The following CDC45 variants were observed in gnomAD, a reference collection of about 807,000 sequenced individuals.
The protein encoded by CDC45 is cell division control protein 45 homolog.
A neutral mutation model predicts 77.8 loss-of-function variants in CDC45; 54 were observed. The observed-to-expected ratio is 0.69, with a 90% CI of 0.56 to 0.87. CDC45 has a LOEUF of 0.87. Ranked by LOEUF, CDC45 falls within the 40% of genes least tolerant of loss-of-function variation. The pLI, the probability that CDC45 is intolerant of heterozygous loss-of-function variation, is 0.00. For missense variants in CDC45, 649 were observed against 721.6 expected, an observed-to-expected ratio of 0.90 and a Z score of 1.15; for synonymous variants, 260 against 272.1, an observed-to-expected ratio of 0.96 and a Z score of 0.44.
chr22:19,492,825 C>T (rs899768587), intron 5 of CDC45, among the ~76,000 whole-genome samples: 5 of 152,194 alleles, frequency 3.3e-5, no homozygotes, highest in African/African-American at 1.2e-4. Flanking sequence ...TGATGTCTAT[C>T]ACCTGGGGCA....
intron 10 of CDC45, among the ~76,000 whole-genome samples, chr22:19,506,674 C>T (rs762843061): frequency 1.3e-5 from 2 of 151,998 alleles, no homozygotes; most frequent in Non-Finnish European, 2.9e-5. Context: ...GTGGCTCACG[C>T]CTGTAATCCC....
In CDC45 at chr22:19,496,017, T is replaced by C. The variant is rs2090235854; in HGVS notation, c.579T>C (p.Tyr193=). 1 of 1,607,684 alleles carries C rather than the reference T, an allele frequency of 6.2e-7. No individual in the cohort carries two copies. Among genetic ancestry groups the C allele is most frequent in the African/African-American group, 1.3e-5 (1 of 74,762 alleles). The change falls in exon 7 of 19, where the codon TAT becomes TAC. Residue 193 remains tyrosine (Y), a synonymous_variant. Transcript: ENST00000263201. ...DILFDYEQYE[Y]HGTSSAMVMF... is the part of the protein sequence containing the mutation. ...TCTTTGACTACGAGCAGTATGAATATCATGGGACATCGGTAAGTATGAATA... is the reference window on the plus strand; with the variant it reads ...TCTTTGACTACGAGCAGTATGAATACCATGGGACATCGGTAAGTATGAATA...
At chr22:19,508,437 C>A in intron 12 of CDC45, 93 bp from the exon 13 acceptor site, 2 of 1,313,048 alleles carry the variant, frequency 1.5e-6, no homozygotes, top group Non-Finnish European at 2.2e-6. Flanking sequence ...TTGACTTGGG[C>A]CTGTGAGGGA....
chr22:19,502,296 A>G (rs1367475366), intron 9 of CDC45, among the ~76,000 whole-genome samples: 1 of 152,234 alleles, frequency 6.6e-6, no homozygotes, highest in Non-Finnish European at 1.5e-5. Flanking sequence ...ATGTACGCTG[A>G]TAGTTTTGAA....
At chr22:19,493,144 T>TAG (rs931251295) in intron 5 of CDC45, among the ~76,000 whole-genome samples, 14 of 152,062 alleles carry the variant, frequency 9.2e-5, no homozygotes, top group African/African-American at 3.1e-4. Flanking sequence ...TTGGCTAGAG[T>TAG]AGATGGGCTA....
intron 4 of CDC45, 138 bp downstream of exon 4, chr22:19,482,965 G>T (rs1601920043): frequency 8.1e-5 from 50 of 619,754 alleles, no homozygotes; most frequent in East Asian, 1.5e-4. Flanking sequence ...CTTGGTCTTT[G>T]TCATCTTTTT....
At chr22:19,484,109 A>G in intron 5 of CDC45, 104 bp downstream of exon 5, 1 of 1,126,496 alleles carries the variant, frequency 8.9e-7, no homozygotes, top group Non-Finnish European at 1.3e-6. Context: ...GGCAGTGGGA[A>G]GTGGAAAAGT....
chr22:19,495,567 C>T (rs937127404), intron 6 of CDC45, among the ~76,000 whole-genome samples: 1 of 152,238 alleles, frequency 6.6e-6, no homozygotes, highest in Non-Finnish European at 1.5e-5. Context: ...CCTATAATCC[C>T]AATACTTTGG....
chr22:19,482,994 G>A (rs2090008284), intron 4 of CDC45, among the ~76,000 whole-genome samples, 167 bp downstream of exon 4: 2 of 150,326 alleles, frequency 1.3e-5, no homozygotes, highest in Non-Finnish European at 3.0e-5. Flanking sequence ...TTTAAGGAGA[G>A]TCTGGAGTAC....
chr22:19,506,439 C>T (rs1933179049), intron 10 of CDC45, among the ~76,000 whole-genome samples: 1 of 152,070 alleles, frequency 6.6e-6, no homozygotes, highest in Non-Finnish European at 1.5e-5. Flanking sequence ...GAGGAAGCTG[C>T]TGGAGTGTGG....
chr22:19,484,783 C>T (rs1271819616), intron 5 of CDC45, among the ~76,000 whole-genome samples: 1 of 152,186 alleles, frequency 6.6e-6, no homozygotes, highest in Non-Finnish European at 1.5e-5. Flanking sequence ...CAATGCCCTT[C>T]AAACTGAGGC....
intron 9 of CDC45, among the ~76,000 whole-genome samples, chr22:19,500,283 A>T (rs980676130): frequency 6.6e-6 from 1 of 152,116 alleles, no homozygotes; most frequent in Non-Finnish European, 1.5e-5. Context: ...GCTCAGTGGC[A>T]CTTCCTGTAC....
At chr22:19,489,939 A>G (rs1872040669) in intron 5 of CDC45, among the ~76,000 whole-genome samples, 1 of 152,130 alleles carries the variant, frequency 6.6e-6, no homozygotes, top group Non-Finnish European at 1.5e-5. Context: ...ATCACTTTTT[A>G]CTTCACGTAT....
intron 9 of CDC45, among the ~76,000 whole-genome samples, 189 bp downstream of exon 9, chr22:19,499,340 G>C (rs1444578664): frequency 1.3e-5 from 2 of 152,178 alleles, no homozygotes; most frequent in African/African-American, 4.8e-5. Context: ...CCGAGTGACC[G>C]TGGCCTTGTG....
chr22:19,482,969 T>TA, intron 4 of CDC45, 142 bp downstream of exon 4: 27 of 661,924 alleles, frequency 4.1e-5, no homozygotes, highest in Non-Finnish European at 6.2e-5. Flanking sequence ...GTCTTTGTCA[T>TA]CTTTTTTTTT....
At chr22:19,491,162 T>C (rs1011653732) in intron 5 of CDC45, among the ~76,000 whole-genome samples, 2 of 152,186 alleles carry the variant, frequency 1.3e-5, no homozygotes, top group Non-Finnish European at 2.9e-5. Context: ...CTGCCCCATT[T>C]ATAATATAAT....
At chr22:19,504,261 TCTC>T (rs951505528) in intron 9 of CDC45, among the ~76,000 whole-genome samples, 1 of 152,210 alleles carries the variant, frequency 6.6e-6, no homozygotes, top group Non-Finnish European at 1.5e-5. Context: ...CTCAAATCCA[TCTC>T]CTTGAGGAGT....
At chr22:19,506,545 G>T (rs1480428382) in intron 10 of CDC45, among the ~76,000 whole-genome samples, 1 of 152,138 alleles carries the variant, frequency 6.6e-6, no homozygotes, top group Non-Finnish European at 1.5e-5. Context: ...GCAGGACCAG[G>T]CTCTCGTCCT....
chr22:19,480,181 G>C lies in CDC45; in HGVS notation c.75G>C (p.Ser25=). The change falls in exon 2 of 19, where the codon TCG becomes TCC. Residue 25 remains serine (S), a synonymous_variant. Transcript: ENST00000263201. ...AGAGGGTCCTTCTCTTCGTGGCCTC[G>C]GACGTGGATGCTCTGTGTGCGTGCA... ...QSQRVLLFVA[S]DVDALCACKI... is the part of the protein sequence containing the mutation. 6.2e-7 allele frequency: 1 copy of C among 1,613,970 alleles called. No individual in the cohort carries two copies. Among genetic ancestry groups the C allele is most frequent in the Non-Finnish European group, 8.5e-7 (1 of 1,179,956 alleles).
Sources: gnomAD v4.1 joint callset for allele counts (sites outside exome capture counted in the v4.1 genomes callset) on GRCh38, gnomAD v4.1.1 for gene constraint, MANE v1.5 for transcripts, NCBI Gene and HGNC (gene_info 2026-07-23, HGNC 2026-07-21) for gene names.